Variants in ZMYM6 observed in about 807,000 individuals in gnomAD.
The protein encoded by ZMYM6 is zinc finger MYM-type containing 6.
Under a neutral mutation model 134.0 loss-of-function variants are expected in ZMYM6, and 90 were observed. That is an observed-to-expected ratio of 0.67 (90% confidence interval 0.57 to 0.80). The LOEUF is 0.80. Among genes scored for constraint, ZMYM6 ranks in the 30% least tolerant of loss-of-function variants. The probability of loss-of-function intolerance (pLI) is 0.00; values close to 1 mark genes in which losing one functional copy is unlikely to be tolerated. For synonymous variants in ZMYM6, 481 were observed against 524.1 expected (o/e 0.92, Z 1.12); for missense variants, 1,362 against 1,533.9 (o/e 0.89, Z 1.87).
At chr1:35,000,813 T>C (rs901604429) in intron 14 of ZMYM6, among the ~76,000 whole-genome samples, 1 of 152,066 alleles carries the variant, frequency 6.6e-6, no homozygotes, top group Non-Finnish European at 1.5e-5. Flanking sequence ...CTGGTAGTAG[T>C]GGTTAATTTT....
At chr1:35,011,864 G>A in intron 8 of ZMYM6, 26 bp downstream of exon 8, 1 of 1,466,034 alleles carries the variant, frequency 6.8e-7, no homozygotes, top group Non-Finnish European at 9.3e-7. Flanking sequence ...AGAACCACAT[G>A]CATAATGTGC....
chr1:35,021,776 A>G (rs968456489), intron 2 of ZMYM6, among the ~76,000 whole-genome samples: 1 of 152,218 alleles, frequency 6.6e-6, no homozygotes, highest in African/African-American at 2.4e-5. Flanking sequence ...AAATCATCAC[A>G]GACAAAATCC....
intron 14 of ZMYM6, among the ~76,000 whole-genome samples, chr1:34,994,166 C>T (rs1640734843): frequency 6.6e-6 from 1 of 151,998 alleles, no homozygotes; most frequent in Non-Finnish European, 1.5e-5. Context: ...GTGGAGATAC[C>T]GCAGAAAACA....
chr1:34,987,727 T>C lies in ZMYM6; in HGVS notation c.3355A>G (p.Ile1119Val), dbSNP rs80351094. 5.7e-5 allele frequency: 89 copies of C among 1,551,368 alleles called. No homozygotes were observed. The East Asian group carries it at 8.3e-4, about 14-fold the overall frequency. Residue 1119 changes from isoleucine (I) to valine (V), a missense_variant, in exon 16 of 16, where the codon ATA (isoleucine) becomes GTA (valine). Ile to Val is a conservative substitution (Grantham distance 29). Coordinates refer to ENST00000357182, the MANE Select transcript of ZMYM6 (RefSeq NM_007167.4). ...WVGKLAYLSDIFSLINELNLS... is the reference protein window; with the variant it reads ...WVGKLAYLSDVFSLINELNLS... ...TTTAATTCATTTATAAGTGAAAATA[T>C]ATCTGATAAGTAGGCCAGCTTTCCA...
At chr1:34,993,108 CTTTTT>C (rs1334269990) in intron 14 of ZMYM6, among the ~76,000 whole-genome samples, 1 of 135,436 alleles carries the variant, frequency 7.4e-6, no homozygotes, top group African/African-American at 3.5e-5. Flanking sequence ...GTATTCTTTT[CTTTTT>C]TCTTTTTTTT....
intron 4 of ZMYM6, among the ~76,000 whole-genome samples, chr1:35,016,761 A>T (rs1349483817): frequency 6.6e-6 from 1 of 152,122 alleles, no homozygotes; most frequent in African/African-American, 2.4e-5. Flanking sequence ...GCTTGAGCCC[A>T]GGGAGTTCAA....
Position 35,030,643 on chromosome 1 carries a change from A to G in ZMYM6, c.-4T>C. The G allele has an allele frequency of 6.2e-7, 1 of 1,611,220 alleles. No homozygotes were observed. Among genetic ancestry groups the G allele is most frequent in the Non-Finnish European group, 8.5e-7 (1 of 1,179,546 alleles). ...CACCATCCAAAGGTTCTTTCATTCT[A>G]ATTTTTTACCTCAAAGAGTGTCTCA... On this transcript the variant is annotated 5_prime_UTR_variant, in exon 2 of 16. Coordinates refer to ENST00000357182, the MANE Select transcript of ZMYM6 (RefSeq NM_007167.4).
chr1:35,019,078 A>G (rs766649543), intron 4 of ZMYM6: 23 of 538,838 alleles, frequency 4.3e-5, no homozygotes, highest in Non-Finnish European at 6.8e-5. Context: ...GGTGTCTACA[A>G]TTACAGGATA....
intron 2 of ZMYM6, among the ~76,000 whole-genome samples, chr1:35,023,225 G>T (rs149846441): frequency 6.6e-6 from 1 of 151,518 alleles, no homozygotes; most frequent in African/African-American, 2.4e-5. Flanking sequence ...CTCCTCCCTC[G>T]GCCTCCCCAG....
intron 14 of ZMYM6, among the ~76,000 whole-genome samples, chr1:34,992,759 C>T (rs12075791): frequency 0.056 from 5,761 of 102,974 alleles, 1,694 homozygotes; most frequent in African/African-American, 0.41. Context: ...TAAAAATATA[C>T]TTATAAACTA....
At chr1:35,015,357 C>T (rs1180240724) in intron 4 of ZMYM6, among the ~76,000 whole-genome samples, 195 bp from the exon 5 acceptor site, 1 of 152,038 alleles carries the variant, frequency 6.6e-6, no homozygotes, top group Non-Finnish European at 1.5e-5. Flanking sequence ...ATTACTATCT[C>T]AATTTCTTCA....
intron 10 of ZMYM6, among the ~76,000 whole-genome samples, chr1:35,010,227 G>C (rs762594221): frequency 2.0e-5 from 3 of 151,582 alleles, no homozygotes; most frequent in Non-Finnish European, 4.4e-5. Context: ...CACCATGTTG[G>C]TCAGGCTGGT....
rs569533422 is a variant in ZMYM6, at chr1:35,015,405, T to G, written c.429-243A>C. ...GGCTTATAATATCTAATTCATAAATTTGTCAAGAGTGAATTATATTTAAAA... is the reference window on the plus strand; with the variant it reads ...GGCTTATAATATCTAATTCATAAATGTGTCAAGAGTGAATTATATTTAAAA... On this transcript the variant is annotated intron_variant, in intron 4 of 15. Transcript: ENST00000357182. Among the ~76,000 whole-genome samples the G allele has an allele frequency of 9.7e-4, 147 of 152,190 alleles. 1 individual carries two copies. Among genetic ancestry groups the G allele is most frequent in the Non-Finnish European group, 1.6e-3 (110 of 68,030 alleles).
intron 14 of ZMYM6, among the ~76,000 whole-genome samples, chr1:34,999,849 T>C (rs1443207871): frequency 6.6e-6 from 1 of 152,208 alleles, no homozygotes; most frequent in East Asian, 1.9e-4. Context: ...CTCTTTGACC[T>C]AACAATTCTA....
rs370836660 is a variant in ZMYM6, at chr1:34,987,189, T to G, written c.3893A>C (p.Asn1298Thr). Reference sequence around the variant, plus strand: ...TAGGGCAGGGCCAGAACCCAACAGATTTTTTTGTTTTGACTCAGTCAAAGC... The same window carrying G: ...TAGGGCAGGGCCAGAACCCAACAGAGTTTTTTGTTTTGACTCAGTCAAAGC... ...FSALTESKQK[N>T]LLGSGPALRL... is the part of the protein sequence containing the mutation. The change falls in exon 16 of 16, where the codon AAT (asparagine) becomes ACT (threonine). Residue 1298 changes from asparagine to threonine, a missense_variant. This residue lies in a region of ZMYM6 where 824 missense variants were observed against 940.9 expected (regional missense o/e 0.88). Transcript: ENST00000357182. 7.4e-6 allele frequency: 12 copies of G among 1,612,142 alleles called. No homozygotes were observed. Among genetic ancestry groups the G allele is most frequent in the South Asian group, 1.1e-5 (1 of 90,526 alleles).
chr1:35,005,437 G>T (rs1057090706), intron 12 of ZMYM6, among the ~76,000 whole-genome samples, 165 bp from the exon 13 acceptor site: 1 of 151,994 alleles, frequency 6.6e-6, no homozygotes, highest in Admixed American at 6.6e-5. Flanking sequence ...TCAGATTAGT[G>T]TTCTTTAGGA....
chr1:34,991,094 C>T lies in ZMYM6; in HGVS notation c.2146+1140G>A, dbSNP rs142832459. 2.2e-3 allele frequency among the ~76,000 whole-genome samples: 328 copies of T among 152,258 alleles called. 2 individuals carry two copies. Among genetic ancestry groups the T allele is most frequent in the African/African-American group, 7.4e-3 (307 of 41,548 alleles). On this transcript the variant is annotated intron_variant, in intron 15 of 15. Transcript: ENST00000357182. ...GGTCAGGCTGGTCTCAAACTCCTGA[C>T]CTCAGGTGATCCGCCCATGTTGGCT...
At chr1:35,021,594 TG>T (rs1641310104) in intron 2 of ZMYM6, among the ~76,000 whole-genome samples, 1 of 150,906 alleles carries the variant, frequency 6.6e-6, no homozygotes, top group Non-Finnish European at 1.5e-5. Flanking sequence ...CACTCCAGCC[TG>T]GGCAACAGAG....
rs146066332 is a variant in ZMYM6, at chr1:35,030,559, T to C, written c.81A>G (p.Pro27=). Residue 27 remains proline, a synonymous_variant, in exon 2 of 16, where the codon CCA becomes CCG. Transcript: ENST00000357182. Reference sequence around the variant, plus strand: ...ATGAAATGCTTACTTGAGCATTGTCTGGTTCTTCTTTAATTTTGTCCAGAA... The same window carrying C: ...ATGAAATGCTTACTTGAGCATTGTCCGGTTCTTCTTTAATTTTGTCCAGAA... The part of the protein sequence containing the change: ...QELLDKIKEE[P]DNAQEYGCVQ... The C allele has an allele frequency of 2.5e-6, 4 of 1,612,262 alleles. No homozygotes were observed. The African/African-American group carries it at 5.4e-5, about 22-fold the overall frequency.
Sources: gnomAD v4.1 joint callset for allele counts (sites outside exome capture counted in the v4.1 genomes callset) on GRCh38, gnomAD v4.1.1 for gene constraint, gnomAD v4.1.1 regional missense constraint, MANE v1.5 for transcripts, NCBI Gene and HGNC (gene_info 2026-07-23, HGNC 2026-07-21) for gene names.